The following HECW1 variants were observed in gnomAD, a reference collection of about 807,000 sequenced individuals.
The protein encoded by HECW1 is E3 ubiquitin-protein ligase HECW1.
Under a neutral mutation model 182.3 loss-of-function variants are expected in HECW1, and 61 were observed. The ratio of observed to expected loss-of-function variants is 0.33; its 90% confidence interval spans 0.27 to 0.41. The LOEUF is 0.41. HECW1 is among the 10% of genes least tolerant of loss of function. The pLI is 1.00. For synonymous variants in HECW1, 859 were observed against 832.6 expected (o/e 1.03, Z -0.55); for missense variants, 1,739 against 2,108.9 (o/e 0.82, Z 3.44).
intron 8 of HECW1, among the ~76,000 whole-genome samples, chr7:43,433,814 A>G (rs1381590936): frequency 6.6e-6 from 1 of 152,214 alleles, no homozygotes; most frequent in African/African-American, 2.4e-5. Flanking sequence ...GAAGATGAGG[A>G]GCCATTTATT....
intron 2 of HECW1, among the ~76,000 whole-genome samples, chr7:43,123,554 G>A (rs1391950329): frequency 3.3e-5 from 5 of 152,198 alleles, no homozygotes; most frequent in South Asian, 2.1e-4. Context: ...TTAATGAAAA[G>A]CTGTGTCCTT....
In HECW1 at chr7:43,114,251, C is replaced by A; in HGVS notation, c.-172C>A. 1 of 1,362,646 alleles carries A rather than the reference C, an allele frequency of 7.3e-7. No individual in the cohort carries two copies. The allele number at this position is 1,362,646 out of a possible 1,614,324, so 84.4% of individuals were successfully genotyped here. A position where few individuals can be genotyped will look rare whatever the true frequency, so the allele number is the denominator to read the frequency against. On this transcript the variant is annotated 5_prime_UTR_variant, in exon 2 of 30. Coordinates refer to ENST00000395891, the MANE Select transcript of HECW1 (RefSeq NM_015052.5). ...CTTCTCTCTTTTCCTGGGATTTAAA[C>A]GCGATTTAGGAGGGCAGATGCCCTA...
At chr7:43,291,251 A>T (rs182300758) in intron 3 of HECW1, among the ~76,000 whole-genome samples, 103 of 152,346 alleles carry the variant, frequency 6.8e-4, no homozygotes, top group Non-Finnish European at 1.3e-3. Flanking sequence ...AAAAGCAGAC[A>T]TATTTATCCT....
intron 15 of HECW1, 152 bp downstream of exon 15, chr7:43,466,720 G>A (rs1031205693): frequency 9.0e-6 from 8 of 889,804 alleles, no homozygotes; most frequent in African/African-American, 3.3e-5. Context: ...TTGACTATCC[G>A]TGAGTCTCCC....
chr7:43,336,170 C>CTCTCTCTCTCTCTCTCTT (rs1812245485), intron 5 of HECW1, among the ~76,000 whole-genome samples: 1 of 122,826 alleles, frequency 8.1e-6, no homozygotes, highest in Non-Finnish European at 1.7e-5. Flanking sequence ...CTCTCTCTCT[C>CTCTCTCTCTCTCTCTCTT]TCTCTCTCTC....
chr7:43,202,797 C>CTT (rs1319472987), intron 2 of HECW1, among the ~76,000 whole-genome samples: 2 of 152,154 alleles, frequency 1.3e-5, no homozygotes, highest in African/African-American at 4.8e-5. Flanking sequence ...TGAAGAATCA[C>CTT]GAAAGAAGTG....
intron 13 of HECW1, among the ~76,000 whole-genome samples, chr7:43,459,375 T>C (rs1032369525): frequency 6.6e-6 from 1 of 152,250 alleles, no homozygotes; most frequent in African/African-American, 2.4e-5. Context: ...TTAATTCTAC[T>C]TTCACAAATA....
In HECW1 at chr7:43,475,432, A is replaced by G. The variant is rs528999721; in HGVS notation, c.3100-4178A>G. Among the ~76,000 whole-genome samples the G allele has an allele frequency of 3.3e-5, 5 of 152,364 alleles. No individual in the cohort carries two copies. In the East Asian group the frequency reaches 9.6e-4, roughly 29 times the overall value. ...ACCATTGAGAAATTGTTGAAAATACATGTGAACAATACTTAATAAAATATA... is the reference window on the plus strand; with the variant it reads ...ACCATTGAGAAATTGTTGAAAATACGTGTGAACAATACTTAATAAAATATA... On this transcript the variant is annotated intron_variant, in intron 16 of 29. Transcript: ENST00000395891.
intron 28 of HECW1, among the ~76,000 whole-genome samples, chr7:43,553,625 T>C (rs199682382): frequency 7.0e-6 from 1 of 143,166 alleles, no homozygotes; most frequent in East Asian, 2.1e-4. Flanking sequence ...GCCAAGATCA[T>C]GCCACTGCAC....
intron 2 of HECW1, among the ~76,000 whole-genome samples, chr7:43,156,599 G>C (rs902542107): frequency 5.9e-5 from 9 of 152,198 alleles, no homozygotes; most frequent in African/African-American, 2.2e-4. Context: ...GCTGTCATTA[G>C]TGAGTAAATG....
At chr7:43,190,629 C>A (rs143252820) in intron 2 of HECW1, among the ~76,000 whole-genome samples, 235 of 152,284 alleles carry the variant, frequency 1.5e-3, no homozygotes, top group Middle Eastern at 3.4e-3. Context: ...TTTCTATGCT[C>A]TCTCCAAGGA....
At chr7:43,393,184 A>T (rs1008783683) in intron 6 of HECW1, among the ~76,000 whole-genome samples, 1 of 151,916 alleles carries the variant, frequency 6.6e-6, no homozygotes, top group Middle Eastern at 3.2e-3. Flanking sequence ...CAACAGAGAG[A>T]GGGGGGGCAA....
At chr7:43,431,915 C>T (rs1207734136) in intron 8 of HECW1, among the ~76,000 whole-genome samples, 1 of 150,938 alleles carries the variant, frequency 6.6e-6, no homozygotes, top group Non-Finnish European at 1.5e-5. Flanking sequence ...CTCACTCTGT[C>T]ACCCAATGTT....
intron 3 of HECW1, among the ~76,000 whole-genome samples, chr7:43,244,847 A>T (rs571325218): frequency 6.6e-6 from 1 of 152,242 alleles, no homozygotes; most frequent in Non-Finnish European, 1.5e-5. Context: ...GCACATCCAC[A>T]TGCATATTCA....
intron 3 of HECW1, among the ~76,000 whole-genome samples, chr7:43,277,656 G>T (rs1803329649): frequency 1.3e-5 from 2 of 152,112 alleles, no homozygotes; most frequent in African/African-American, 2.4e-5. Flanking sequence ...CCCAGATCTT[G>T]TCATCTCCCA....
chr7:43,518,810 A>T (rs549353774), intron 24 of HECW1, among the ~76,000 whole-genome samples: 8 of 152,332 alleles, frequency 5.3e-5, no homozygotes, highest in East Asian at 1.9e-4. Flanking sequence ...GGTAACAATG[A>T]TATATCACCT....
At chr7:43,389,096 G>A (rs534303941) in intron 6 of HECW1, among the ~76,000 whole-genome samples, 5 of 152,142 alleles carry the variant, frequency 3.3e-5, no homozygotes, top group African/African-American at 4.8e-5. Flanking sequence ...CCAAGGGGTC[G>A]CCAGAATCTA....
At chr7:43,148,706 GC>G (rs1788974998) in intron 2 of HECW1, 1 of 151,868 alleles carries the variant, frequency 6.6e-6, no homozygotes, top group Non-Finnish European at 1.5e-5. Context: ...GTGTGGTCTG[GC>G]TCTGCTGCTA....
intron 9 of HECW1, chr7:43,438,721 C>G (rs1166730225): frequency 6.6e-6 from 1 of 152,238 alleles, no homozygotes; most frequent in African/African-American, 2.4e-5. Context: ...CTTTTACATT[C>G]ATGTCCACTC....
Sources: gnomAD v4.1 joint callset for allele counts (sites outside exome capture counted in the v4.1 genomes callset) on GRCh38, gnomAD v4.1.1 for gene constraint, MANE v1.5 for transcripts, NCBI Gene and HGNC (gene_info 2026-07-23, HGNC 2026-07-21) for gene names.